Variants in SGCZ observed in about 807,000 individuals in gnomAD.
SGCZ encodes the protein sarcoglycan zeta.
A neutral mutation model predicts 41.3 loss-of-function variants in SGCZ; 40 were observed. That is an observed-to-expected ratio of 0.97 (90% confidence interval 0.75 to 1.26). The LOEUF (loss-of-function observed/expected upper bound fraction) is 1.26, where lower values mean the gene tolerates loss of function less well. Ranked by LOEUF, SGCZ falls within the 50% of genes most tolerant of loss-of-function variation. The pLI is 0.00. For missense variants in SGCZ, 552 were observed against 369.8 expected (o/e 1.49, Z -4.04); for synonymous variants, 206 against 137.5 (o/e 1.50, Z -3.49).
chr8:14,316,712 T>C (rs1331250800), intron 3 of SGCZ, among the ~76,000 whole-genome samples: 1 of 151,882 alleles, frequency 6.6e-6, no homozygotes, highest in Non-Finnish European at 1.5e-5. Flanking sequence ...CTTCTCAAAC[T>C]CTTCAATATT....
At chr8:14,763,692 C>T (rs1304253016) in intron 1 of SGCZ, among the ~76,000 whole-genome samples, 1 of 152,048 alleles carries the variant, frequency 6.6e-6, no homozygotes, top group Admixed American at 6.6e-5. Context: ...AGGAAGAAAA[C>T]CCAATGATGG....
intron 1 of SGCZ, among the ~76,000 whole-genome samples, chr8:15,079,250 A>G (rs1018673276): frequency 6.6e-6 from 1 of 152,188 alleles, no homozygotes; most frequent in East Asian, 1.9e-4. Context: ...ATGTACCCCA[A>G]GATTTAATCA....
chr8:14,152,150 A>T (rs1803728901), intron 5 of SGCZ, among the ~76,000 whole-genome samples: 1 of 150,750 alleles, frequency 6.6e-6, no homozygotes, highest in Non-Finnish European at 1.5e-5. Flanking sequence ...AAGCTATGAG[A>T]GTAGGATAAA....
At chr8:14,150,340 G>C (rs1196361717) in intron 5 of SGCZ, among the ~76,000 whole-genome samples, 1 of 151,954 alleles carries the variant, frequency 6.6e-6, no homozygotes, top group Non-Finnish European at 1.5e-5. Context: ...ATAGGAAAAT[G>C]TCTAAAAATT....
At chr8:14,866,938 C>T (rs887671558) in intron 1 of SGCZ, among the ~76,000 whole-genome samples, 8 of 152,002 alleles carry the variant, frequency 5.3e-5, no homozygotes, top group South Asian at 2.1e-4. Flanking sequence ...TGAGAGAGCA[C>T]GCTGTTTTGT....
chr8:14,646,103 AG>A (rs1807205692), intron 1 of SGCZ, among the ~76,000 whole-genome samples: 1 of 151,860 alleles, frequency 6.6e-6, no homozygotes, highest in Admixed American at 6.6e-5. Context: ...TATACAGGTC[AG>A]TCACATGGTT....
At position 14,217,638 on chromosome 8, in the gene SGCZ, T is replaced by G. The variant is rs1163234461; in HGVS notation, c.424+19954A>C. 5.6e-4 allele frequency among the ~76,000 whole-genome samples: 73 copies of G among 130,364 alleles called. 1 individual carries two copies. The highest frequency in any genetic ancestry group is 3.8e-3 in the Middle Eastern group (1 of 266). 85.5% of individuals were successfully genotyped at this position (130,364 alleles called of 152,430 possible). ...TTAAATTCAACTAAAGTTTTTTTTT[T>G]TTTTTTTTTTTTTGAGACAGAGTCT... On this transcript the variant is annotated intron_variant, in intron 4 of 7. Coordinates refer to ENST00000382080, the MANE Select transcript of SGCZ (RefSeq NM_139167.4).
At chr8:14,441,660 A>T (rs1158697574) in intron 2 of SGCZ, among the ~76,000 whole-genome samples, 1 of 152,202 alleles carries the variant, frequency 6.6e-6, no homozygotes, top group Non-Finnish European at 1.5e-5. Flanking sequence ...TCAGATTCAT[A>T]TCTCAAGGGT....
chr8:14,867,056 A>G (rs1207450934), intron 1 of SGCZ, among the ~76,000 whole-genome samples: 2 of 152,034 alleles, frequency 1.3e-5, no homozygotes, highest in African/African-American at 2.4e-5. Flanking sequence ...TTTGTTCTCA[A>G]TCCTGTTTCC....
intron 1 of SGCZ, among the ~76,000 whole-genome samples, chr8:14,693,170 A>G (rs180909440): frequency 6.6e-6 from 1 of 152,336 alleles, no homozygotes; most frequent in African/African-American, 2.4e-5. Flanking sequence ...TAAATATTCT[A>G]ATGCTAACTT....
At chr8:15,174,463 C>CA (rs1563165918) in intron 1 of SGCZ, among the ~76,000 whole-genome samples, 1 of 151,822 alleles carries the variant, frequency 6.6e-6, no homozygotes, top group South Asian at 2.1e-4. Flanking sequence ...TGACAGAGAG[C>CA]AAAAAAACTA....
intron 1 of SGCZ, among the ~76,000 whole-genome samples, chr8:15,058,766 G>A (rs548760619): frequency 1.5e-4 from 23 of 152,140 alleles, no homozygotes; most frequent in South Asian, 8.3e-4. Context: ...AGAAAATCTC[G>A]TGTCAAAAGT....
chr8:15,139,231 C>T (rs1189281136), intron 1 of SGCZ, among the ~76,000 whole-genome samples: 1 of 152,150 alleles, frequency 6.6e-6, no homozygotes, highest in Non-Finnish European at 1.5e-5. Flanking sequence ...AGTTCATATC[C>T]TCAGTGCTTC....
At chr8:15,005,459 G>A (rs1802580873) in intron 1 of SGCZ, among the ~76,000 whole-genome samples, 2 of 151,154 alleles carry the variant, frequency 1.3e-5, no homozygotes, top group African/African-American at 2.4e-5. Context: ...AGCCTCCCGA[G>A]TAGCTGCCAT....
intron 1 of SGCZ, among the ~76,000 whole-genome samples, chr8:15,188,312 C>T (rs1400186759): frequency 6.6e-6 from 1 of 152,070 alleles, no homozygotes; most frequent in Non-Finnish European, 1.5e-5. Context: ...GAATTAGCTC[C>T]TAGAACATCT....
At chr8:14,955,169 G>C (rs1665401925) in intron 1 of SGCZ, among the ~76,000 whole-genome samples, 1 of 151,802 alleles carries the variant, frequency 6.6e-6, no homozygotes, top group Admixed American at 6.6e-5. Flanking sequence ...GCGTAATTTA[G>C]TGAAGTTAAA....
At chr8:14,617,577 G>A (rs922201497) in intron 1 of SGCZ, among the ~76,000 whole-genome samples, 1 of 152,228 alleles carries the variant, frequency 6.6e-6, no homozygotes, top group African/African-American at 2.4e-5. Flanking sequence ...TCTAAGCTTT[G>A]CACAGTCCTA....
intron 7 of SGCZ, among the ~76,000 whole-genome samples, chr8:14,102,075 TTTATATA>T (rs1479203634): frequency 1.3e-4 from 4 of 31,060 alleles, no homozygotes; most frequent in Non-Finnish European, 2.0e-4. Context: ...CTTGGCTAAC[TTTATATA>T]TATATATATA....
chr8:14,817,606 C>CTA (rs1319974601), intron 1 of SGCZ, among the ~76,000 whole-genome samples: 2 of 152,200 alleles, frequency 1.3e-5, no homozygotes, highest in East Asian at 3.9e-4. Flanking sequence ...GCCTACAGCA[C>CTA]TACAACTCTG....
Sources: allele counts gnomAD v4.1 joint callset (sites outside exome capture counted in the v4.1 genomes callset), GRCh38; gene constraint gnomAD v4.1.1; transcripts MANE v1.5; gene names NCBI Gene and HGNC (gene_info 2026-07-23, HGNC 2026-07-21).